The following ADAMTS12 variants were observed in gnomAD, a reference collection of about 807,000 sequenced individuals.
ADAMTS12 encodes the protein A disintegrin and metalloproteinase with thrombospondin motifs 12.
A neutral mutation model predicts 167.8 loss-of-function variants in ADAMTS12; 118 were observed. The observed-to-expected ratio is 0.70, with a 90% CI of 0.61 to 0.82. The LOEUF is 0.82. Ranked by LOEUF, ADAMTS12 falls within the 40% of genes least tolerant of loss-of-function variation. ADAMTS12 has a pLI of 0.00. For synonymous variants in ADAMTS12, 704 were observed against 716.9 expected, an observed-to-expected ratio of 0.98 and a Z score of 0.29; for missense variants, 1,916 against 1,998.8, an observed-to-expected ratio of 0.96 and a Z score of 0.79.
At chr5:33,829,839 G>T (rs1482676409) in intron 2 of ADAMTS12, among the ~76,000 whole-genome samples, 12 of 152,114 alleles carry the variant, frequency 7.9e-5, no homozygotes, top group Non-Finnish European at 2.9e-5. Flanking sequence ...AATTCCCAAA[G>T]AATTCACCCG....
chr5:33,767,868 C>G (rs1002920868), intron 2 of ADAMTS12, among the ~76,000 whole-genome samples: 5 of 151,858 alleles, frequency 3.3e-5, no homozygotes, highest in Non-Finnish European at 5.9e-5. Context: ...AAAGATGGAA[C>G]AAGAGCAAGG....
intron 19 of ADAMTS12, among the ~76,000 whole-genome samples, chr5:33,567,330 C>T (rs947504645): frequency 6.6e-6 from 1 of 152,174 alleles, no homozygotes; most frequent in Admixed American, 6.5e-5. Flanking sequence ...AACTAAATAT[C>T]AAAATACAAA....
chr5:33,765,200 C>T (rs1745489233), intron 2 of ADAMTS12, among the ~76,000 whole-genome samples: 1 of 152,148 alleles, frequency 6.6e-6, no homozygotes, highest in Admixed American at 6.5e-5. Flanking sequence ...AATATATATG[C>T]TCAACCATTT....
chr5:33,655,726 G>C (rs1384746301), intron 7 of ADAMTS12, among the ~76,000 whole-genome samples: 1 of 151,626 alleles, frequency 6.6e-6, no homozygotes, highest in Non-Finnish European at 1.5e-5. Context: ...TGCCGTGGTG[G>C]TTTGCTGCAC....
intron 3 of ADAMTS12, among the ~76,000 whole-genome samples, chr5:33,732,552 A>G (rs1456099215): frequency 6.6e-6 from 1 of 152,200 alleles, no homozygotes; most frequent in Admixed American, 6.5e-5. Context: ...ACAACTGTGG[A>G]TATTCATATT....
chr5:33,667,243 A>C (rs930636144), intron 5 of ADAMTS12, among the ~76,000 whole-genome samples: 9 of 149,770 alleles, frequency 6.0e-5, no homozygotes, highest in Non-Finnish European at 1.3e-4. Flanking sequence ...GCTTGAACCC[A>C]AGAGGCGGAG....
rs761683613 is a variant in ADAMTS12, at chr5:33,682,999, T to C, written c.915+19A>G. ...AGTGCGAGGACATATAGCAGAAGAG[T>C]GAAGGGAAAAAATGTTACCTCTTCT... On this transcript the variant is annotated intron_variant, in intron 5 of 23. Transcript: ENST00000504830. 2.9e-5 allele frequency: 46 copies of C among 1,607,764 alleles called. No homozygotes were observed. In the East Asian group the frequency reaches 8.5e-4, roughly 30 times the overall value.
intron 5 of ADAMTS12, among the ~76,000 whole-genome samples, chr5:33,664,150 C>A (rs1483017678): frequency 6.6e-6 from 1 of 152,168 alleles, no homozygotes. Flanking sequence ...TAGACACACA[C>A]AAGCTCATTC....
chr5:33,806,875 CCG>C (rs759988485), intron 2 of ADAMTS12, among the ~76,000 whole-genome samples: 49 of 152,322 alleles, frequency 3.2e-4, no homozygotes, highest in Non-Finnish European at 5.9e-4. Context: ...CCCCGTGCAG[CCG>C]CCACACAGTA....
intron 18 of ADAMTS12, among the ~76,000 whole-genome samples, chr5:33,578,894 T>G (rs990563182): frequency 6.6e-6 from 1 of 152,170 alleles, no homozygotes; most frequent in Non-Finnish European, 1.5e-5. Flanking sequence ...CCACAAAATA[T>G]TAAAGCAAGT....
intron 13 of ADAMTS12, among the ~76,000 whole-genome samples, chr5:33,630,476 T>G (rs1414016457): frequency 6.6e-6 from 1 of 152,224 alleles, no homozygotes; most frequent in African/African-American, 2.4e-5. Context: ...TTAATGCCAC[T>G]GAAATAATCT....
chr5:33,858,087 T>G lies in ADAMTS12; in HGVS notation c.489+23032A>C, dbSNP rs149229549. Among the ~76,000 whole-genome samples, 9 of 152,358 alleles carry G rather than the reference T, an allele frequency of 5.9e-5. No homozygotes were observed. In the East Asian group the frequency reaches 1.7e-3, roughly 29 times the overall value. On this transcript the variant is annotated intron_variant, in intron 2 of 23. Coordinates refer to ENST00000504830, the MANE Select transcript of ADAMTS12 (RefSeq NM_030955.4). ...ACACATTCTTTTCAAGATGGAACTATAAATTTCAAGAAACTTAAAAGAATT... is the reference window on the plus strand; with the variant it reads ...ACACATTCTTTTCAAGATGGAACTAGAAATTTCAAGAAACTTAAAAGAATT...
intron 3 of ADAMTS12, among the ~76,000 whole-genome samples, chr5:33,733,746 C>T (rs1000174023): frequency 2.0e-5 from 3 of 152,138 alleles, no homozygotes; most frequent in East Asian, 1.9e-4. Flanking sequence ...ATTTTGTAAA[C>T]CATCATTCCA....
intron 13 of ADAMTS12, among the ~76,000 whole-genome samples, chr5:33,625,017 A>G (rs1739517279): frequency 6.6e-6 from 1 of 152,138 alleles, no homozygotes; most frequent in Non-Finnish European, 1.5e-5. Context: ...TTAGAGAGAG[A>G]TGGGATTTTG....
intron 2 of ADAMTS12, among the ~76,000 whole-genome samples, chr5:33,770,839 C>T (rs1250010161): frequency 8.4e-6 from 1 of 119,370 alleles, no homozygotes; most frequent in Non-Finnish European, 2.0e-5. Context: ...TTCCTCTTCC[C>T]CTCCTCCTCC....
At position 33,562,499 on chromosome 5, in the gene ADAMTS12, C is replaced by G. The variant is rs1296748443; in HGVS notation, c.3973-1320G>C. On this transcript the variant is annotated intron_variant, in intron 19 of 23. Transcript: ENST00000504830. ...CTAAAAGGGGCTGTTTCTGGATGAGCAAAACAAAGTGCTGAACTAAAAAAA... is the reference window on the plus strand; with the variant it reads ...CTAAAAGGGGCTGTTTCTGGATGAGGAAAACAAAGTGCTGAACTAAAAAAA... Among the ~76,000 whole-genome samples, 5 of 151,248 alleles carry G rather than the reference C, an allele frequency of 3.3e-5. No individual in the cohort carries two copies. The East Asian group carries it at 9.7e-4, about 29-fold the overall frequency.
At chr5:33,766,250 T>TA (rs1324710203) in intron 2 of ADAMTS12, among the ~76,000 whole-genome samples, 4 of 152,328 alleles carry the variant, frequency 2.6e-5, no homozygotes, top group East Asian at 1.9e-4. Flanking sequence ...GTCTTACTGA[T>TA]ACATGTGCCC....
chr5:33,890,668 C>A (rs1043360640), intron 1 of ADAMTS12, among the ~76,000 whole-genome samples: 1 of 152,194 alleles, frequency 6.6e-6, no homozygotes. Context: ...TTAGTGCATG[C>A]TAACCCAGTG....
intron 17 of ADAMTS12, among the ~76,000 whole-genome samples, chr5:33,589,137 T>C (rs1052285872): frequency 6.6e-6 from 1 of 152,246 alleles, no homozygotes; most frequent in African/African-American, 2.4e-5. Flanking sequence ...AGCCTCGCTT[T>C]CTCATTATTC....
Sources: gnomAD v4.1 joint callset for allele counts (sites outside exome capture counted in the v4.1 genomes callset) on GRCh38, gnomAD v4.1.1 for gene constraint, MANE v1.5 for transcripts, NCBI Gene and HGNC (gene_info 2026-07-23, HGNC 2026-07-21) for gene names.